KBTBD12: variants seen among roughly 807,000 people sequenced by gnomAD.
The protein encoded by KBTBD12 is kelch repeat and BTB domain containing 12, also known as kelch repeat and BTB domain-containing protein 12.
KBTBD12 carries 53 observed loss-of-function variants against 58.7 expected under a neutral mutation model. The observed-to-expected ratio is 0.90, with a 90% CI of 0.72 to 1.14. KBTBD12 has a LOEUF of 1.14. Among genes scored for constraint, KBTBD12 ranks in the 50% most tolerant of loss-of-function variants. The probability of loss-of-function intolerance (pLI) is 0.00; values close to 1 mark genes in which losing one functional copy is unlikely to be tolerated. For synonymous variants in KBTBD12, 236 were observed against 259.8 expected (o/e 0.91, Z 0.88); for missense variants, 704 against 751.3 (o/e 0.94, Z 0.74).
chr3:127,929,436 A>G (rs1369357909), intron 3 of KBTBD12, among the ~76,000 whole-genome samples: 2 of 152,218 alleles, frequency 1.3e-5, no homozygotes, highest in South Asian at 4.1e-4. Context: ...TAAGTTCCAC[A>G]TACATGTATA....
At chr3:127,952,370 T>C (rs552226308) in intron 4 of KBTBD12, among the ~76,000 whole-genome samples, 2 of 152,346 alleles carry the variant, frequency 1.3e-5, no homozygotes, top group African/African-American at 4.8e-5. Flanking sequence ...AATGTACTAC[T>C]GTATTTGCTC....
intron 4 of KBTBD12, among the ~76,000 whole-genome samples, chr3:127,954,687 A>G (rs1465730326): frequency 6.6e-6 from 1 of 152,178 alleles, no homozygotes; most frequent in African/African-American, 2.4e-5. Context: ...GAATCTATTT[A>G]TGGAGGCAGT....
intron 4 of KBTBD12, among the ~76,000 whole-genome samples, chr3:127,955,112 A>C (rs1444431365): frequency 6.6e-6 from 1 of 152,232 alleles, no homozygotes; most frequent in African/African-American, 2.4e-5. Flanking sequence ...ACATCTCTGT[A>C]ACCTGTCCTA....
At chr3:127,922,892 T>C in intron 1 of KBTBD12, 58 bp from the exon 2 acceptor site, 1 of 546,034 alleles carries the variant, frequency 1.8e-6, no homozygotes, top group Non-Finnish European at 3.3e-6. Flanking sequence ...TAATGCTGCA[T>C]ATCTAAATTA....
At chr3:127,983,957 A>T in intron 5 of KBTBD12, 140 bp from the exon 6 acceptor site, 1 of 647,172 alleles carries the variant, frequency 1.5e-6, no homozygotes. Flanking sequence ...TAAACTACCC[A>T]GTCCTGGGTA....
chr3:127,943,066 A>G (rs1939991721), intron 4 of KBTBD12, among the ~76,000 whole-genome samples: 1 of 152,178 alleles, frequency 6.6e-6, no homozygotes, highest in Non-Finnish European at 1.5e-5. Context: ...CCATGACCCA[A>G]ACACCTCCCA....
chr3:127,967,402 T>C (rs1940596569), intron 5 of KBTBD12, among the ~76,000 whole-genome samples: 1 of 152,182 alleles, frequency 6.6e-6, no homozygotes. Flanking sequence ...AATATCATAA[T>C]AAACATACTC....
At chr3:127,945,140 G>GT (rs1358143617) in intron 4 of KBTBD12, among the ~76,000 whole-genome samples, 4 of 56,434 alleles carry the variant, frequency 7.1e-5, no homozygotes, top group Admixed American at 3.9e-4. Flanking sequence ...TTTTCTGTGT[G>GT]TTTTTTTTAA....
rs767225016 is a variant in KBTBD12 at position 127,923,284 on chromosome 3, T to C, written c.223T>C (p.Tyr75His). 60 of 1,613,716 alleles carry C rather than the reference T, an allele frequency of 3.7e-5. No individual in the cohort carries two copies. In the South Asian group the frequency reaches 6.4e-4, roughly 17 times the overall value. Residue 75 changes from tyrosine to histidine, a missense_variant, in exon 2 of 6, where the codon TAT becomes CAT. By Grantham distance (83) the Tyr-to-His change is moderately conservative. Coordinates refer to ENST00000405109, the MANE Select transcript of KBTBD12 (RefSeq NM_207335.4). ...LECNQREVIL[Y>H]DITAESVSVL... ...ATGTAATCAAAGGGAAGTCATACTTTATGACATCACAGCAGAAAGTGTGTC... is the reference window on the plus strand; with the variant it reads ...ATGTAATCAAAGGGAAGTCATACTTCATGACATCACAGCAGAAAGTGTGTC...
At chr3:127,928,343 G>A (rs1030410560) in intron 3 of KBTBD12, among the ~76,000 whole-genome samples, 2 of 152,148 alleles carry the variant, frequency 1.3e-5, no homozygotes, top group Non-Finnish European at 2.9e-5. Context: ...ATCTAACTAG[G>A]AGGAAGAGAA....
chr3:127,984,409 G>A lies in KBTBD12; in HGVS notation c.*131G>A, dbSNP rs756375050. The A allele has an allele frequency of 2.7e-5, 23 of 849,230 alleles. No individual in the cohort carries two copies. Among genetic ancestry groups the A allele is most frequent in the Non-Finnish European group, 4.0e-5 (22 of 555,238 alleles). 52.6% of individuals were successfully genotyped at this position (849,230 alleles called of 1,614,324 possible). ...TGGCCTGTGTGTGAAGAAGCAGTGTGTGCTGGGCACTGGGTGGGGAGCATG... is the reference window on the plus strand; with the variant it reads ...TGGCCTGTGTGTGAAGAAGCAGTGTATGCTGGGCACTGGGTGGGGAGCATG... On this transcript the variant is annotated 3_prime_UTR_variant, in exon 6 of 6. Coordinates refer to ENST00000405109, the MANE Select transcript of KBTBD12 (RefSeq NM_207335.4).
chr3:127,968,560 G>A (rs115090156), intron 5 of KBTBD12, among the ~76,000 whole-genome samples: 2,472 of 152,234 alleles, frequency 0.016, 63 homozygotes, highest in African/African-American at 0.054. Context: ...ATTATACACC[G>A]TGTTCGAGAA....
chr3:127,936,677 T>C (rs966646748), intron 4 of KBTBD12, among the ~76,000 whole-genome samples: 32 of 152,156 alleles, frequency 2.1e-4, no homozygotes, highest in Admixed American at 8.5e-4. Flanking sequence ...AAGCTTTAGT[T>C]TCCCAGGCTT....
At chr3:127,939,292 GT>G (rs747474325) in intron 4 of KBTBD12, among the ~76,000 whole-genome samples, 12 of 152,088 alleles carry the variant, frequency 7.9e-5, no homozygotes, top group Non-Finnish European at 1.5e-4. Context: ...CTCTTGTCTT[GT>G]CACTTGAGCC....
intron 4 of KBTBD12, among the ~76,000 whole-genome samples, chr3:127,940,259 A>G (rs1031550102): frequency 1.3e-5 from 2 of 152,146 alleles, no homozygotes; most frequent in African/African-American, 4.8e-5. Context: ...CCATTAACCA[A>G]CTAGATCTAA....
At position 127,923,212 on chromosome 3, in the gene KBTBD12, G is replaced by T; in HGVS notation, c.151G>T (p.Ala51Ser). 6.2e-7 allele frequency: 1 copy of T among 1,613,818 alleles called. No individual in the cohort carries two copies. The highest frequency in any genetic ancestry group is 8.5e-7 in the Non-Finnish European group (1 of 1,179,768). The stretch of plus-strand genomic sequence containing the variant: ...TCCTTGCCACAGACTGGTCCTGGCT[G>T]CATTTAGCCCTTATTTCAAAGCTAT... ...KFPCHRLVLAAFSPYFKAMFT... is the reference protein window; with the variant it reads ...KFPCHRLVLASFSPYFKAMFT... The change falls in exon 2 of 6, where the codon GCA becomes TCA. Residue 51 changes from alanine to serine, a missense_variant. Transcript: ENST00000405109.
At chr3:127,942,681 T>G (rs1181198920) in intron 4 of KBTBD12, among the ~76,000 whole-genome samples, 1 of 146,754 alleles carries the variant, frequency 6.8e-6, no homozygotes, top group African/African-American at 2.5e-5. Context: ...TATATACAAC[T>G]ATATATAACT....
At chr3:127,966,255 C>T (rs1215312212) in intron 5 of KBTBD12, among the ~76,000 whole-genome samples, 1 of 152,146 alleles carries the variant, frequency 6.6e-6, no homozygotes, top group Non-Finnish European at 1.5e-5. Flanking sequence ...GGGGTCTGAC[C>T]AGCCCCCAAC....
Position 127,984,096 on chromosome 3 carries a change from G to C in KBTBD12, c.1691-1G>C. 1.9e-6 allele frequency: 3 copies of C among 1,608,066 alleles called. No individual in the cohort carries two copies. Among genetic ancestry groups the C allele is most frequent in the Non-Finnish European group, 1.7e-6 (2 of 1,177,982 alleles). On this transcript the variant is annotated splice_acceptor_variant, in intron 5 of 5. Coordinates refer to ENST00000405109, the MANE Select transcript of KBTBD12 (RefSeq NM_207335.4). LOFTEE classifies it high-confidence loss of function. ...TGTCTTCCCACTTTGCTGTTTTTCA[G>C]ATCGCCATGAGGTTATCTCCAAAGA... is the stretch of plus-strand genomic sequence containing the variant.
Sources: allele counts gnomAD v4.1 joint callset (sites outside exome capture counted in the v4.1 genomes callset), GRCh38; gene constraint gnomAD v4.1.1; transcripts MANE v1.5; gene names NCBI Gene and HGNC (gene_info 2026-07-23, HGNC 2026-07-21).